Variants in PTPRT observed in about 807,000 individuals in gnomAD.
PTPRT encodes receptor-type tyrosine-protein phosphatase T.
A neutral mutation model predicts 176.8 loss-of-function variants in PTPRT; 56 were observed. That is an observed-to-expected ratio of 0.32 (90% confidence interval 0.26 to 0.40). The LOEUF is 0.40. Ranked by LOEUF, PTPRT falls within the 10% of genes least tolerant of loss-of-function variation. The pLI is 1.00. For synonymous variants in PTPRT, 783 were observed against 739.0 expected, an observed-to-expected ratio of 1.06 and a Z score of -0.96; for missense variants, 1,540 against 1,908.2, an observed-to-expected ratio of 0.81 and a Z score of 3.60.
chr20:42,794,781 G>T (rs118068525), intron 2 of PTPRT, among the ~76,000 whole-genome samples: 1 of 150,202 alleles, frequency 6.7e-6, no homozygotes, highest in Non-Finnish European at 1.5e-5. Flanking sequence ...GCAAGCCTTG[G>T]TGGTAACTTG....
chr20:42,883,177 T>G (rs1438356304), intron 2 of PTPRT, among the ~76,000 whole-genome samples: 2 of 152,164 alleles, frequency 1.3e-5, no homozygotes, highest in East Asian at 3.9e-4. Context: ...CATGCTTATA[T>G]TCTAGAATAA....
chr20:42,163,585 G>A (rs763875372), intron 16 of PTPRT, among the ~76,000 whole-genome samples: 1 of 152,204 alleles, frequency 6.6e-6, no homozygotes, highest in African/African-American at 2.4e-5. Flanking sequence ...GTAGGCAGTG[G>A]CAATGCAGAC....
At chr20:42,736,976 A>T (rs2076550015) in intron 6 of PTPRT, among the ~76,000 whole-genome samples, 1 of 152,214 alleles carries the variant, frequency 6.6e-6, no homozygotes, top group South Asian at 2.1e-4. Flanking sequence ...AAGCAAAAAC[A>T]TACAAGAATA....
chr20:43,050,310 G>A (rs1346779314), intron 1 of PTPRT, among the ~76,000 whole-genome samples: 2 of 152,212 alleles, frequency 1.3e-5, no homozygotes, highest in Non-Finnish European at 2.9e-5. Context: ...TAGTTCACTT[G>A]GTTTAGGCAG....
chr20:42,334,311 A>C (rs1019491701), intron 11 of PTPRT, among the ~76,000 whole-genome samples: 1 of 152,186 alleles, frequency 6.6e-6, no homozygotes, highest in Non-Finnish European at 1.5e-5. Context: ...CTTGTAATAA[A>C]CAAAAATATG....
chr20:42,769,762 T>A (rs1053725729), intron 5 of PTPRT, among the ~76,000 whole-genome samples: 9 of 152,188 alleles, frequency 5.9e-5, no homozygotes, highest in African/African-American at 1.9e-4. Flanking sequence ...AAACAAATAG[T>A]AGTATATCCA....
chr20:42,325,637 AGCCTCC>A (rs1478821604), intron 11 of PTPRT, among the ~76,000 whole-genome samples: 1 of 152,156 alleles, frequency 6.6e-6, no homozygotes, highest in African/African-American at 2.4e-5. Context: ...TTATTGTAAT[AGCCTCC>A]CAACTGGTCT....
chr20:43,165,962 G>C (rs1352225385), intron 1 of PTPRT, among the ~76,000 whole-genome samples: 1 of 152,124 alleles, frequency 6.6e-6, no homozygotes, highest in Non-Finnish European at 1.5e-5. Context: ...GGCCGAGGCA[G>C]GCAGATCACC....
chr20:42,599,334 C>T (rs1362033779), intron 7 of PTPRT, among the ~76,000 whole-genome samples: 1 of 152,076 alleles, frequency 6.6e-6, no homozygotes, highest in East Asian at 1.9e-4. Context: ...ACAAGGAGCT[C>T]CTTATGTCAT....
chr20:42,254,813 C>G (rs2056609481), intron 13 of PTPRT, among the ~76,000 whole-genome samples: 1 of 152,200 alleles, frequency 6.6e-6, no homozygotes, highest in African/African-American at 2.4e-5. Context: ...GTTCTCATCT[C>G]CTTGGCTTCC....
intron 1 of PTPRT, among the ~76,000 whole-genome samples, chr20:43,062,154 T>C (rs1311833455): frequency 6.6e-6 from 1 of 152,218 alleles, no homozygotes. Context: ...TTCTATGCCT[T>C]GATCAGGGTG....
At chr20:42,056,997 G>T in the PTPRT span, among the ~76,000 whole-genome samples, 9 of 152,076 alleles carry the variant, frequency 5.9e-5, no homozygotes, top group African/African-American at 2.2e-4. Context: ...GTCCCATCAG[G>T]CCAACTTCTC....
intron 7 of PTPRT, among the ~76,000 whole-genome samples, chr20:42,609,076 T>C (rs1205267152): frequency 6.6e-6 from 1 of 152,200 alleles, no homozygotes; most frequent in African/African-American, 2.4e-5. Flanking sequence ...CAACACTTTT[T>C]TTTCTTTTCA....
Position 42,472,343 on chromosome 20 carries a change from A to G in PTPRT, c.1373T>C (p.Ile458Thr). 1 of 1,614,146 alleles carries G rather than the reference A, an allele frequency of 6.2e-7. No individual in the cohort carries two copies. Residue 458 changes from isoleucine to threonine, a missense_variant, in exon 8 of 31, where the codon ATC becomes ACC. Coordinates refer to ENST00000373187, the MANE Select transcript of PTPRT (RefSeq NM_007050.6). ...TLRGLRPFMT[I>T]RLRLLLSNPE... ...GTTAGACAGCAAGAGTCGCAGCCGGATGGTCATGAAGGGGCGCAGGCCTCG... is the reference window on the plus strand; with the variant it reads ...GTTAGACAGCAAGAGTCGCAGCCGGGTGGTCATGAAGGGGCGCAGGCCTCG...
chr20:43,023,303 C>A (rs1985776755), intron 1 of PTPRT, among the ~76,000 whole-genome samples: 1 of 152,142 alleles, frequency 6.6e-6, no homozygotes, highest in Non-Finnish European at 1.5e-5. Context: ...TGTGTGTGAC[C>A]TGAAGCATCC....
intron 7 of PTPRT, among the ~76,000 whole-genome samples, chr20:42,603,899 C>T (rs1194352024): frequency 6.6e-6 from 1 of 152,222 alleles, no homozygotes; most frequent in Non-Finnish European, 1.5e-5. Flanking sequence ...TCCAGCTCTT[C>T]TCAACCTGGG....
At chr20:42,652,964 G>C (rs2075058767) in intron 7 of PTPRT, among the ~76,000 whole-genome samples, 1 of 152,146 alleles carries the variant, frequency 6.6e-6, no homozygotes, top group Non-Finnish European at 1.5e-5. Context: ...CCTACATCAT[G>C]TGTGAAGTCC....
intron 1 of PTPRT, among the ~76,000 whole-genome samples, chr20:43,153,099 A>G (rs2014411648): frequency 6.6e-6 from 1 of 152,232 alleles, no homozygotes; most frequent in African/African-American, 2.4e-5. Context: ...ACCTAGTGCA[A>G]AACACATGAG....
intron 1 of PTPRT, among the ~76,000 whole-genome samples, chr20:42,985,147 G>A (rs1043868550): frequency 6.6e-6 from 1 of 152,140 alleles, no homozygotes; most frequent in Non-Finnish European, 1.5e-5. Flanking sequence ...GAGCCTGGAT[G>A]CCATTACTTC....
Sources: gnomAD v4.1 joint callset for allele counts (sites outside exome capture counted in the v4.1 genomes callset) on GRCh38, gnomAD v4.1.1 for gene constraint, MANE v1.5 for transcripts, NCBI Gene and HGNC (gene_info 2026-07-23, HGNC 2026-07-21) for gene names.